The following PPEF1 variants were observed in gnomAD, a reference collection of about 807,000 sequenced individuals.
PPEF1 encodes the protein serine/threonine-protein phosphatase with EF-hands 1.
In PPEF1, 12 loss-of-function variants were observed where a neutral mutation model predicts 53.3. That is an observed-to-expected ratio of 0.23 (90% confidence interval 0.14 to 0.36). The LOEUF (loss-of-function observed/expected upper bound fraction) is 0.36, where lower values mean the gene tolerates loss of function less well. Ranked by LOEUF, PPEF1 falls within the 10% of genes least tolerant of loss-of-function variation. The probability of loss-of-function intolerance (pLI) is 1.00; values close to 1 mark genes in which losing one functional copy is unlikely to be tolerated. For missense variants in PPEF1, 334 were observed against 490.4 expected (o/e 0.68, Z 3.01); for synonymous variants, 165 against 176.7 (o/e 0.93, Z 0.52).
intron 6 of PPEF1, among the ~76,000 whole-genome samples, chrX:18,776,436 C>G (rs993443642): frequency 1.8e-5 from 2 of 110,711 alleles, no homozygotes; most frequent in Non-Finnish European, 3.8e-5. Context: ...GGGGTTTCGC[C>G]ATGTTTCCAA....
At chrX:18,790,870 C>T (rs60611344) in intron 10 of PPEF1, among the ~76,000 whole-genome samples, 3,009 of 109,753 alleles carry the variant, frequency 0.027, 96 homozygotes, top group African/African-American at 0.095. Context: ...GAGATTTCAC[C>T]ATGTTGACCA....
chrX:18,714,872 G>T (rs1171553921), intron 1 of PPEF1, among the ~76,000 whole-genome samples: 1 of 111,943 alleles, frequency 8.9e-6, no homozygotes, highest in African/African-American at 3.2e-5. Context: ...TGCCTCAAGG[G>T]AACACAGCAA....
chrX:18,730,435 T>C, intron 2 of PPEF1, 127 bp downstream of exon 2: 1 of 791,189 alleles, frequency 1.3e-6, no homozygotes, highest in Non-Finnish European at 1.8e-6. Context: ...ATAGAGCATG[T>C]CATGACATTG....
At chrX:18,696,429 AG>A (rs747624075) in intron 4 of PPEF1, among the ~76,000 whole-genome samples, 1 of 109,796 alleles carries the variant, frequency 9.1e-6, no homozygotes, top group East Asian at 2.9e-4. Flanking sequence ...CTGGGATTAC[AG>A]GTATGAGCCA....
At chrX:18,775,166 G>A (rs771698657) in intron 6 of PPEF1, among the ~76,000 whole-genome samples, 1 of 89,799 alleles carries the variant, frequency 1.1e-5, no homozygotes, top group Admixed American at 1.2e-4. Flanking sequence ...GGCCAATAAT[G>A]TATTTTCCCA....
chrX:18,675,966 G>GT (rs201533507), exon 1 of PPEF1: 2 of 88,721 alleles, frequency 2.3e-5, no homozygotes, highest in African/African-American at 4.1e-5. Context: ...CGGGGGGGGG[G>GT]GGGCATCTTT....
chrX:18,677,558 G>A (rs143276381), intron 1 of PPEF1, among the ~76,000 whole-genome samples: 1 of 111,575 alleles, frequency 9.0e-6, no homozygotes, highest in African/African-American at 3.3e-5. Context: ...CAGAATACGT[G>A]TCCACTTCTA....
chrX:18,782,165 G>A (rs2046099948), intron 7 of PPEF1, among the ~76,000 whole-genome samples: 1 of 111,486 alleles, frequency 9.0e-6, no homozygotes, highest in South Asian at 3.8e-4. Context: ...AGCTCCTTGA[G>A]GGTAGGGATG....
In PPEF1 at chrX:18,711,983, A is replaced by C. The variant is rs964848480; in HGVS notation, c.46+4157A>C. Among the ~76,000 whole-genome samples, 6 of 111,061 alleles carry C rather than the reference A, an allele frequency of 5.4e-5. No homozygotes were observed. The Admixed American group carries it at 5.8e-4, about 11-fold the overall frequency. ...TTGGCCAGGCTGGTCTGAACTCCTG[A>C]CCTTGTGATCCGCCCGCCTTGGCCT... is the stretch of plus-strand genomic sequence containing the variant. On this transcript the variant is annotated intron_variant, in intron 1 of 15. Transcript: ENST00000470157.
chrX:18,695,834 C>T (rs1376930808), intron 4 of PPEF1, among the ~76,000 whole-genome samples: 2 of 112,228 alleles, frequency 1.8e-5, no homozygotes, highest in Non-Finnish European at 3.8e-5. Flanking sequence ...TGAATTTCCC[C>T]ACCTTAAAAC....
At chrX:18,684,719 C>T (rs1602335894) in exon 2 of PPEF1, among the ~76,000 whole-genome samples, 1 of 109,819 alleles carries the variant, frequency 9.1e-6, no homozygotes, top group East Asian at 2.9e-4. Context: ...CTCCACCTCC[C>T]GGGTTCAAGC....
intron 1 of PPEF1, among the ~76,000 whole-genome samples, chrX:18,677,094 A>G (rs1288254239): frequency 9.8e-5 from 10 of 101,785 alleles, no homozygotes; most frequent in Admixed American, 1.1e-4. Flanking sequence ...GCCGGAGTGC[A>G]GTGGCACGAT....
At chrX:18,767,532 G>A (rs1418913600) in intron 6 of PPEF1, among the ~76,000 whole-genome samples, 1 of 112,050 alleles carries the variant, frequency 8.9e-6, no homozygotes, top group Admixed American at 9.4e-5. Flanking sequence ...GCAACAGAGC[G>A]AGACTCCATC....
At chrX:18,824,921 C>T (rs999336710) in intron 14 of PPEF1, among the ~76,000 whole-genome samples, 4 of 111,503 alleles carry the variant, frequency 3.6e-5, no homozygotes, top group African/African-American at 9.8e-5. Flanking sequence ...ACCTCGGCCT[C>T]CCAAAGTGCT....
intron 12 of PPEF1, among the ~76,000 whole-genome samples, chrX:18,811,587 GTATATATATATA>G (rs59907227): frequency 2.3e-5 from 1 of 43,999 alleles, no homozygotes; most frequent in African/African-American, 8.4e-5. Flanking sequence ...CACTTATTCA[GTATATATATATA>G]TATATATATA....
chrX:18,766,186 C>T (rs2045769869), intron 6 of PPEF1, among the ~76,000 whole-genome samples: 1 of 110,384 alleles, frequency 9.1e-6, no homozygotes, highest in South Asian at 3.9e-4. Flanking sequence ...GGTGCTTGGT[C>T]GCTTAGCTTA....
rs1397999256 is a variant in PPEF1, at chrX:18,739,943, G to T, written c.235+6135G>T. Among the ~76,000 whole-genome samples the T allele has an allele frequency of 2.7e-5, 3 of 112,688 alleles. No homozygotes were observed. The Admixed American group carries it at 2.8e-4, about 11-fold the overall frequency. On this transcript the variant is annotated intron_variant, in intron 3 of 15. Transcript: ENST00000470157. Reference sequence around the variant, plus strand: ...GTGGGACCCTCCAAGCCAGGTGTGGGATATAATCTCCTAGTGTGCCATTTG... The same window carrying T: ...GTGGGACCCTCCAAGCCAGGTGTGGTATATAATCTCCTAGTGTGCCATTTG...
upstream of PPEF1, among the ~76,000 whole-genome samples, chrX:18,680,429 C>CTTTTT (rs769412688): frequency 0.013 from 1,036 of 78,653 alleles, 47 homozygotes; most frequent in Non-Finnish European, 0.017. Context: ...AATTTCTTCT[C>CTTTTT]TTTTTTTTTT....
At chrX:18,762,186 C>T (rs2045680964) in intron 6 of PPEF1, among the ~76,000 whole-genome samples, 1 of 111,325 alleles carries the variant, frequency 9.0e-6, no homozygotes, top group Non-Finnish European at 1.9e-5. Context: ...TGTCTCTGGG[C>T]CAAGAGTTAC....
Sources: gnomAD v4.1 joint callset for allele counts (sites outside exome capture counted in the v4.1 genomes callset) on GRCh38, gnomAD v4.1.1 for gene constraint, MANE v1.5 for transcripts, NCBI Gene and HGNC (gene_info 2026-07-23, HGNC 2026-07-21) for gene names.